Variants in CMIP observed in about 807,000 individuals in gnomAD.
The protein encoded by CMIP is c-Maf inducing protein.
Under a neutral mutation model 97.3 loss-of-function variants are expected in CMIP, and 13 were observed. The ratio of observed to expected loss-of-function variants is 0.13; its 90% CI spans 0.09 to 0.21. The LOEUF (loss-of-function observed/expected upper bound fraction) is 0.21, where lower values mean the gene tolerates loss of function less well. Among genes scored for constraint, CMIP ranks in the 10% least tolerant of loss-of-function variants. The pLI is 1.00. For missense variants in CMIP, 847 were observed against 1,024.9 expected (o/e 0.83, Z 2.37); for synonymous variants, 538 against 436.3 (o/e 1.23, Z -2.91).
chr16:81,629,140 A>T (rs1255321336), intron 3 of CMIP, among the ~76,000 whole-genome samples: 2,223 of 124,484 alleles, frequency 0.018, 100 homozygotes, highest in African/African-American at 0.071. Flanking sequence ...TGCTTAAAAA[A>T]AAAAAAAAAA....
intron 1 of CMIP, among the ~76,000 whole-genome samples, chr16:81,455,547 T>A (rs901460820): frequency 1.3e-5 from 2 of 152,222 alleles, no homozygotes; most frequent in Admixed American, 6.5e-5. Context: ...GTGCGAGTTC[T>A]ACCACTCCCC....
chr16:81,555,080 G>A (rs1186603862), intron 1 of CMIP, among the ~76,000 whole-genome samples: 1 of 152,118 alleles, frequency 6.6e-6, no homozygotes, highest in Non-Finnish European at 1.5e-5. Flanking sequence ...CAGCCACAGG[G>A]AACTTTCCCA....
At chr16:81,657,049 T>TA (rs2092491113) in intron 4 of CMIP, among the ~76,000 whole-genome samples, 4 of 53,672 alleles carry the variant, frequency 7.5e-5, no homozygotes, top group African/African-American at 2.2e-4. Flanking sequence ...ATTCCAAAAT[T>TA]TAAAAAAAAA....
chr16:81,581,978 C>T (rs867795454), intron 1 of CMIP, among the ~76,000 whole-genome samples: 1 of 152,204 alleles, frequency 6.6e-6, no homozygotes, highest in Non-Finnish European at 1.5e-5. Context: ...ATGGCAGCAT[C>T]AGCTTCTGGG....
chr16:81,461,471 A>C (rs1412080711), intron 1 of CMIP, among the ~76,000 whole-genome samples: 1 of 152,182 alleles, frequency 6.6e-6, no homozygotes, highest in Non-Finnish European at 1.5e-5. Context: ...TAGCGTAATT[A>C]GTCTTCCCAG....
At chr16:81,448,940 G>A (rs1026872288) in intron 1 of CMIP, among the ~76,000 whole-genome samples, 4 of 152,232 alleles carry the variant, frequency 2.6e-5, no homozygotes, top group Admixed American at 6.5e-5. Context: ...GGTGATGGTC[G>A]TGTTGGTTGT....
Position 81,652,290 on chromosome 16 carries a change from GC to G in CMIP, c.568del (p.Leu190Ter). 6.2e-7 allele frequency: 1 copy of G among 1,613,876 alleles called. No homozygotes were observed. ...AGAGATCCGGACCCTGGTGGACATG[GC>G]CCTGACATCCCCCCTGCAGGATGAC... Reference protein sequence around the residue: ...LKEIRTLVDMALTSPLQDDSI... With the variant: ...LKEIRTLVDMXLTSPLQDDSI... On this transcript the variant is annotated frameshift_variant, in exon 4 of 21. Coordinates refer to ENST00000537098, the MANE Select transcript of CMIP (RefSeq NM_198390.3). LOFTEE classifies it high-confidence loss of function. This position sits in a 1 kb window ranked among gnomAD's most constrained non-coding sequence, Gnocchi z 5.2.
chr16:81,511,885 T>G (rs1265624232), intron 1 of CMIP, among the ~76,000 whole-genome samples: 2 of 152,196 alleles, frequency 1.3e-5, no homozygotes, highest in South Asian at 4.1e-4. Context: ...AGACCTGTGC[T>G]GTCCAATACC....
intron 1 of CMIP, among the ~76,000 whole-genome samples, chr16:81,469,781 A>G (rs906697022): frequency 6.6e-6 from 1 of 152,230 alleles, no homozygotes; most frequent in African/African-American, 2.4e-5. Context: ...TACCTGGAAA[A>G]TGGGATAATA....
intron 7 of CMIP, among the ~76,000 whole-genome samples, chr16:81,668,515 G>A (rs1164467782): frequency 1.3e-5 from 2 of 152,132 alleles, no homozygotes; most frequent in African/African-American, 2.4e-5. Context: ...GGAAGAGGCC[G>A]AGCACGGCAG....
intron 5 of CMIP, among the ~76,000 whole-genome samples, chr16:81,658,462 G>A (rs145723943): frequency 1.3e-5 from 2 of 152,286 alleles, no homozygotes; most frequent in East Asian, 1.9e-4. Context: ...AGTGATCACC[G>A]CAAAAAATAG....
At chr16:81,558,420 C>T (rs556535718) in intron 1 of CMIP, among the ~76,000 whole-genome samples, 1 of 152,366 alleles carries the variant, frequency 6.6e-6, no homozygotes, top group South Asian at 2.1e-4. Flanking sequence ...TGATACAGCT[C>T]TTCTCCGGTT....
intron 5 of CMIP, among the ~76,000 whole-genome samples, chr16:81,660,273 TTTTTTC>T (rs1336465545): frequency 6.6e-6 from 1 of 151,548 alleles, no homozygotes; most frequent in Non-Finnish European, 1.5e-5. Flanking sequence ...TTCTTTTTTC[TTTTTTC>T]TTTTTTTTTT....
chr16:81,560,392 G>A (rs967144707), intron 1 of CMIP, among the ~76,000 whole-genome samples: 4 of 151,796 alleles, frequency 2.6e-5, no homozygotes, highest in African/African-American at 9.7e-5. Context: ...CTCATTTTTT[G>A]TATTTTTCAT....
intron 1 of CMIP, among the ~76,000 whole-genome samples, chr16:81,536,269 G>C (rs1207194888): frequency 6.6e-6 from 1 of 152,160 alleles, no homozygotes; most frequent in Non-Finnish European, 1.5e-5. Context: ...AGGTACTTGG[G>C]AGTGCTCCTT....
intron 3 of CMIP, among the ~76,000 whole-genome samples, chr16:81,639,934 G>T (rs17201380): frequency 0.52 from 79,189 of 151,916 alleles, 20,909 homozygotes; most frequent in East Asian, 0.59. Flanking sequence ...TAGGAAGCCC[G>T]GGGATGTTAG....
At chr16:81,549,474 G>T (rs2090611818) in intron 1 of CMIP, among the ~76,000 whole-genome samples, 1 of 152,196 alleles carries the variant, frequency 6.6e-6, no homozygotes. Context: ...GCTAGCCCTG[G>T]AGTGCTGTAC....
chr16:81,675,370 ATTTTTTTT>A (rs35314200), intron 9 of CMIP, among the ~76,000 whole-genome samples: 1 of 123,378 alleles, frequency 8.1e-6, no homozygotes, highest in East Asian at 2.5e-4. Context: ...CACCTGGCTA[ATTTTTTTT>A]TTTTTTTTTT....
rs895354431 is a variant in CMIP, at chr16:81,621,200, C to T, written c.477+274C>T. The T allele has an allele frequency of 2.3e-5, 8 of 350,814 alleles. No homozygotes were observed. The highest frequency in any genetic ancestry group is 1.2e-4 in the South Asian group (3 of 26,036). 21.7% of individuals were successfully genotyped at this position (350,814 alleles called of 1,614,324 possible). ...CAAAAGGATCATAGAACTGCTTGCT[C>T]TCAGAGTGAGGGCGACCCTGAGGGG... On this transcript the variant is annotated intron_variant, in intron 3 of 20. Transcript: ENST00000537098. This position sits in a 1 kb window ranked among gnomAD's most constrained non-coding sequence, Gnocchi z 4.1.
Sources: allele counts gnomAD v4.1 joint callset (sites outside exome capture counted in the v4.1 genomes callset), GRCh38; gene constraint gnomAD v4.1.1; non-coding constraint Gnocchi (gnomAD v3.1); transcripts MANE v1.5; gene names NCBI Gene and HGNC (gene_info 2026-07-23, HGNC 2026-07-21).